The following ZYG11A variants were observed in gnomAD, a reference collection of about 807,000 sequenced individuals.
ZYG11A encodes the protein zyg-11 family member A, cell cycle regulator, also known as protein zyg-11 homolog A.
A neutral mutation model predicts 77.2 loss-of-function variants in ZYG11A; 62 were observed. The ratio of observed to expected loss-of-function variants is 0.80; its 90% CI spans 0.65 to 0.99. The LOEUF is 0.99. ZYG11A is among the 50% of genes least tolerant of loss of function. The pLI is 0.00. For synonymous variants in ZYG11A, 315 were observed against 324.6 expected (o/e 0.97, Z 0.32); for missense variants, 828 against 896.8 (o/e 0.92, Z 0.98).
At chr1:52,848,664 C>G (rs1645646315) in intron 1 of ZYG11A, among the ~76,000 whole-genome samples, 1 of 152,022 alleles carries the variant, frequency 6.6e-6, no homozygotes, top group South Asian at 2.1e-4. Context: ...GGTGGATCAC[C>G]TGAGGCCAGG....
rs143746516 is a variant in ZYG11A, at chr1:52,881,631, G to A, written c.1910G>A (p.Arg637His). 20 of 1,552,192 alleles carry A rather than the reference G, an allele frequency of 1.3e-5. No individual in the cohort carries two copies. The East Asian group carries it at 2.2e-4, about 17-fold the overall frequency. Reference protein sequence around the residue: ...LTSDRQLWISRDFQRRTLLQD... With the variant: ...LTSDRQLWISHDFQRRTLLQD... ...TCTGACAGACAGCTTTGGATATCCCGTGACTTCCAGAGGCGTACTCTTCTC... is the reference window on the plus strand; with the variant it reads ...TCTGACAGACAGCTTTGGATATCCCATGACTTCCAGAGGCGTACTCTTCTC... Residue 637 changes from arginine (R) to histidine (H), a missense_variant, in exon 11 of 14, where the codon CGT becomes CAT. Transcript: ENST00000371528.
intron 8 of ZYG11A, 81 bp from the exon 9 acceptor site, chr1:52,877,601 C>A (rs1026695081): frequency 2.4e-6 from 3 of 1,228,228 alleles, no homozygotes; most frequent in Non-Finnish European, 3.3e-6. Flanking sequence ...AGGTTTGATG[C>A]GTCTTAACAT....
At chr1:52,852,321 A>T (rs1186830553) in intron 1 of ZYG11A, among the ~76,000 whole-genome samples, 1 of 150,908 alleles carries the variant, frequency 6.6e-6, no homozygotes, top group Non-Finnish European at 1.5e-5. Flanking sequence ...TAGTGTGATT[A>T]CAGGAGTGAG....
intron 1 of ZYG11A, among the ~76,000 whole-genome samples, chr1:52,845,659 A>G (rs1297522939): frequency 1.4e-5 from 2 of 145,034 alleles, no homozygotes; most frequent in East Asian, 4.1e-4. Context: ...TTTTTTACAG[A>G]GGACAGGAAA....
At chr1:52,892,485 G>A (rs2150026331) in intron 13 of ZYG11A, among the ~76,000 whole-genome samples, 1 of 151,036 alleles carries the variant, frequency 6.6e-6, no homozygotes, top group Non-Finnish European at 1.5e-5. Context: ...CCGAGATTGC[G>A]CCACTGCACT....
intron 2 of ZYG11A, among the ~76,000 whole-genome samples, chr1:52,854,938 G>A (rs1645781774): frequency 6.7e-6 from 1 of 150,172 alleles, no homozygotes; most frequent in Non-Finnish European, 1.5e-5. Context: ...CACAATCTTT[G>A]CTCACTGCAG....
chr1:52,863,681 G>C (rs1282155304), intron 4 of ZYG11A, among the ~76,000 whole-genome samples: 2 of 152,210 alleles, frequency 1.3e-5, no homozygotes, highest in Non-Finnish European at 2.9e-5. Context: ...TGCAGTACCT[G>C]TCACAGTAGC....
At chr1:52,891,793 A>G (rs1456928715) in intron 13 of ZYG11A, among the ~76,000 whole-genome samples, 1 of 152,002 alleles carries the variant, frequency 6.6e-6, no homozygotes, top group Non-Finnish European at 1.5e-5. Context: ...GCTGCAGGTT[A>G]GCTTACACTA....
chr1:52,854,301 A>C (rs181734995), intron 1 of ZYG11A, among the ~76,000 whole-genome samples, 164 bp from the exon 2 acceptor site: 7 of 152,226 alleles, frequency 4.6e-5, no homozygotes, highest in Admixed American at 3.3e-4. Context: ...CATTCAGTTA[A>C]CAGTAGGAAT....
chr1:52,846,761 G>A lies in ZYG11A; in HGVS notation c.90+3788G>A, dbSNP rs145653261. Among the ~76,000 whole-genome samples the A allele has an allele frequency of 2.6e-5, 4 of 152,140 alleles. No individual in the cohort carries two copies. In the East Asian group the frequency reaches 7.7e-4, roughly 29 times the overall value. ...TTTAATTTTTAACGTGGTATATGTT[G>A]ATAGATATAACCCAATTTTTAAGAG... is the stretch of plus-strand genomic sequence containing the variant. On this transcript the variant is annotated intron_variant, in intron 1 of 13. Coordinates refer to ENST00000371528, the MANE Select transcript of ZYG11A (RefSeq NM_001004339.3).
At chr1:52,853,525 CT>C (rs1481493829) in intron 1 of ZYG11A, among the ~76,000 whole-genome samples, 1 of 152,122 alleles carries the variant, frequency 6.6e-6, no homozygotes, top group African/African-American at 2.4e-5. Context: ...CTTCACTAAA[CT>C]TTAGCTTTAA....
Position 52,881,427 on chromosome 1 carries a change from C to A in ZYG11A, c.1750-44C>A, listed in dbSNP as rs538081249. On this transcript the variant is annotated intron_variant, in intron 10 of 13. Coordinates refer to ENST00000371528, the MANE Select transcript of ZYG11A (RefSeq NM_001004339.3). ...AAAAAAGCCAATTCCTGATTCTCCC[C>A]TCCCTTCTTGTCTCTGGGGTTCTCT... 8 of 1,396,154 alleles carry A rather than the reference C, an allele frequency of 5.7e-6. No individual in the cohort carries two copies. In the Middle Eastern group the frequency reaches 5.7e-4, roughly 99 times the overall value. The allele number at this position is 1,396,154 out of a possible 1,614,324, so 86.5% of individuals were successfully genotyped here.
intron 1 of ZYG11A, among the ~76,000 whole-genome samples, chr1:52,846,455 C>T (rs763246165): frequency 3.2e-4 from 48 of 150,262 alleles, no homozygotes; most frequent in Non-Finnish European, 5.9e-4. Context: ...CAGGTTCAAG[C>T]GATTCTCCTG....
intron 10 of ZYG11A, chr1:52,881,175 A>G (rs1490986748): frequency 5.2e-6 from 1 of 191,442 alleles, no homozygotes; most frequent in African/African-American, 2.3e-5. Flanking sequence ...TTAGTGTCAC[A>G]TTTCTTTGTA....
chr1:52,864,129 C>T lies in ZYG11A; in HGVS notation c.1298C>T (p.Ala433Val), dbSNP rs1042840907. 4 of 1,550,750 alleles carry T rather than the reference C, an allele frequency of 2.6e-6. No individual in the cohort carries two copies. In the African/African-American group the frequency reaches 4.1e-5, roughly 16 times the overall value. Reference sequence around the variant, plus strand: ...GAGGTCACCTGTCTACTTTTCAAGGCTCTGAAAAATTTCCCCCATTACCAG... The same window carrying T: ...GAGGTCACCTGTCTACTTTTCAAGGTTCTGAAAAATTTCCCCCATTACCAG... Reference protein sequence around the residue: ...LSEVTCLLFKALKNFPHYQQL... With the variant: ...LSEVTCLLFKVLKNFPHYQQL... Residue 433 changes from alanine to valine, a missense_variant, in exon 5 of 14, where the codon GCT becomes GTT. Physicochemically the swap from Ala to Val is moderately conservative, Grantham distance 64. Transcript: ENST00000371528.
chr1:52,892,188 T>C (rs1468784471), intron 13 of ZYG11A, among the ~76,000 whole-genome samples: 2 of 54,012 alleles, frequency 3.7e-5, no homozygotes, highest in Admixed American at 2.1e-4. Context: ...CGTGAGCCAC[T>C]GCGCCCAGCC....
intron 8 of ZYG11A, among the ~76,000 whole-genome samples, chr1:52,870,524 G>T (rs908363496): frequency 4.6e-5 from 7 of 152,224 alleles, no homozygotes; most frequent in African/African-American, 1.7e-4. Context: ...GGGAGGTGGA[G>T]GTTGTAGTGA....
intron 8 of ZYG11A, among the ~76,000 whole-genome samples, chr1:52,876,897 G>A (rs1302511905): frequency 6.6e-6 from 1 of 152,178 alleles, no homozygotes. Context: ...TCACATGACA[G>A]TCTGATATTG....
intron 6 of ZYG11A, among the ~76,000 whole-genome samples, chr1:52,866,780 A>G (rs997591926): frequency 6.6e-6 from 1 of 152,214 alleles, no homozygotes; most frequent in African/African-American, 2.4e-5. Flanking sequence ...AGAGCCAAAC[A>G]TACTTGGACT....
Sources: allele counts gnomAD v4.1 joint callset (sites outside exome capture counted in the v4.1 genomes callset), GRCh38; gene constraint gnomAD v4.1.1; transcripts MANE v1.5; gene names NCBI Gene and HGNC (gene_info 2026-07-23, HGNC 2026-07-21).